RPAP2: variants seen among roughly 807,000 people sequenced by gnomAD.
The protein encoded by RPAP2 is RNA polymerase II associated protein 2, also known as putative RNA polymerase II subunit B1 CTD phosphatase RPAP2.
In RPAP2, 52 loss-of-function variants were observed where a neutral mutation model predicts 73.1. The ratio of observed to expected loss-of-function variants is 0.71; its 90% CI spans 0.57 to 0.90. The LOEUF (loss-of-function observed/expected upper bound fraction) is 0.90. Among genes scored for constraint, RPAP2 ranks in the 40% least tolerant of loss-of-function variants. The pLI is 0.00. For missense variants in RPAP2, 598 were observed against 701.8 expected, an observed-to-expected ratio of 0.85 and a Z score of 1.67; for synonymous variants, 225 against 242.1, an observed-to-expected ratio of 0.93 and a Z score of 0.65.
chr1:92,351,258 G>A (rs1469729962), intron 11 of RPAP2, among the ~76,000 whole-genome samples: 2 of 124,548 alleles, frequency 1.6e-5, no homozygotes, highest in Admixed American at 1.1e-4. Context: ...AGTAAGCCAA[G>A]ATTGCGCCAC....
chr1:92,302,766 A>AT (rs1332048150), intron 3 of RPAP2, among the ~76,000 whole-genome samples: 1 of 151,390 alleles, frequency 6.6e-6, no homozygotes. Context: ...CGCCCGGCTA[A>AT]TTTTTTTGTA....
chr1:92,305,324 T>G (rs1361957201), intron 5 of RPAP2, among the ~76,000 whole-genome samples: 2 of 149,154 alleles, frequency 1.3e-5, no homozygotes, highest in African/African-American at 5.0e-5. Context: ...TCCCAGCTAC[T>G]CGGGAGGCTG....
At position 92,399,740 on chromosome 1, in the gene RPAP2, T is replaced by C. The variant is rs568654750; in HGVS notation, c.*12729T>C. 1 of 152,318 alleles carries C rather than the reference T, an allele frequency of 6.6e-6. No individual in the cohort carries two copies. The highest frequency in any genetic ancestry group is 2.4e-5 in the African/African-American group (1 of 41,572). 9.4% of individuals were successfully genotyped at this position (152,318 alleles called of 1,614,324 possible). ...CTCACTCCCACATCCTTACCTCTTA[T>C]CCTTCTCACATCGTCCCATTAACAC... On this transcript the variant is annotated 3_prime_UTR_variant, in exon 13 of 13. Transcript: ENST00000610020.
At position 92,393,988 on chromosome 1, in the gene RPAP2, A is replaced by T. The variant is rs1234240388; in HGVS notation, c.*6977A>T. On this transcript the variant is annotated 3_prime_UTR_variant, in exon 13 of 13. Transcript: ENST00000610020. ...ATCCCACTATTGGGCATATACCCAA[A>T]AGATTATAAATCATTCTACAATAAA... is the stretch of plus-strand genomic sequence containing the variant. The T allele has an allele frequency of 6.6e-6, 1 of 152,238 alleles. No homozygotes were observed. The highest frequency in any genetic ancestry group is 1.5e-5 in the Non-Finnish European group (1 of 68,040). 9.4% of individuals were successfully genotyped at this position (152,238 alleles called of 1,614,324 possible).
chr1:92,338,397 C>G (rs1266463576), intron 10 of RPAP2, among the ~76,000 whole-genome samples: 4 of 152,182 alleles, frequency 2.6e-5, no homozygotes, highest in African/African-American at 9.7e-5. Flanking sequence ...GCTGTGTGTC[C>G]TGTTAGTAAT....
At chr1:92,376,994 C>T (rs866255520) in intron 11 of RPAP2, among the ~76,000 whole-genome samples, 1 of 152,158 alleles carries the variant, frequency 6.6e-6, no homozygotes, top group African/African-American at 2.4e-5. Context: ...ATGTTTAGAA[C>T]ATAGTACATG....
intron 12 of RPAP2, among the ~76,000 whole-genome samples, chr1:92,386,571 C>T (rs1239627499): frequency 6.6e-6 from 1 of 152,182 alleles, no homozygotes; most frequent in East Asian, 1.9e-4. Context: ...GAATACGAAG[C>T]TCAGTCTACT....
chr1:92,370,907 TAAC>T (rs1193058074), intron 11 of RPAP2, among the ~76,000 whole-genome samples: 1 of 152,158 alleles, frequency 6.6e-6, no homozygotes, highest in African/African-American at 2.4e-5. Context: ...GACCTATAGA[TAAC>T]AAGCATTGGT....
chr1:92,319,294 C>T (rs1652110648), intron 6 of RPAP2, among the ~76,000 whole-genome samples: 1 of 152,146 alleles, frequency 6.6e-6, no homozygotes, highest in African/African-American at 2.4e-5. Context: ...ATGAGCTTTA[C>T]TGTCTGGGTT....
intron 7 of RPAP2, among the ~76,000 whole-genome samples, chr1:92,321,155 A>G (rs1322504484): frequency 6.6e-6 from 1 of 152,218 alleles, no homozygotes; most frequent in African/African-American, 2.4e-5. Flanking sequence ...TTCCTAGTTA[A>G]TAGTCACTAC....
rs573289074 is a variant in RPAP2 at position 92,399,188 on chromosome 1, T to G, written c.*12177T>G. 3 of 152,336 alleles carry G rather than the reference T, an allele frequency of 2.0e-5. No homozygotes were observed. Among genetic ancestry groups the G allele is most frequent in the African/African-American group, 7.2e-5 (3 of 41,572 alleles). The allele number at this position is 152,336 out of a possible 1,614,324, so 9.4% of individuals were successfully genotyped here. On this transcript the variant is annotated 3_prime_UTR_variant, in exon 13 of 13. Transcript: ENST00000610020. ...TTTTCATTTTGCTTCCCAGCACCTCTGCAGTCATAACCAAAGTGAAGGACA... is the reference window on the plus strand; with the variant it reads ...TTTTCATTTTGCTTCCCAGCACCTCGGCAGTCATAACCAAAGTGAAGGACA...
At chr1:92,334,732 A>G (rs1323146420) in intron 9 of RPAP2, among the ~76,000 whole-genome samples, 1 of 152,100 alleles carries the variant, frequency 6.6e-6, no homozygotes, top group Non-Finnish European at 1.5e-5. Flanking sequence ...CACACCTGTA[A>G]TCCCAGCACT....
Position 92,387,025 on chromosome 1 carries a change from G to A in RPAP2, c.*14G>A, listed in dbSNP as rs776256310. ...TTGCTTCACAGATATATTCCATGAA[G>A]ACAAAATAGAAGATGAACTTCTATT... On this transcript the variant is annotated 3_prime_UTR_variant, in exon 13 of 13. Transcript: ENST00000610020. 1.9e-6 allele frequency: 3 copies of A among 1,586,738 alleles called. No individual in the cohort carries two copies. The South Asian group carries it at 3.4e-5, about 18-fold the overall frequency.
chr1:92,352,363 C>T (rs547224814), intron 11 of RPAP2, among the ~76,000 whole-genome samples: 58 of 152,316 alleles, frequency 3.8e-4, no homozygotes, highest in African/African-American at 1.3e-3. Flanking sequence ...AACCATCATA[C>T]AGATAGATAC....
intron 6 of RPAP2, among the ~76,000 whole-genome samples, chr1:92,317,831 C>T (rs1035035225): frequency 1.3e-5 from 2 of 152,098 alleles, no homozygotes; most frequent in African/African-American, 4.8e-5. Flanking sequence ...GGAGATGTTG[C>T]ATAAAGCTGT....
intron 6 of RPAP2, among the ~76,000 whole-genome samples, chr1:92,313,618 T>C (rs1165132030): frequency 6.6e-6 from 1 of 152,040 alleles, no homozygotes; most frequent in East Asian, 1.9e-4. Context: ...TAAATAAGCA[T>C]TGGCTTCAAC....
Position 92,380,878 on chromosome 1 carries a change from G to C in RPAP2, c.1838+5G>C, listed in dbSNP as rs1655597875. ...AACCAGCTGTTTACCAGAGTGGTAA[G>C]TTGGATTGTGTTTTATTTTGGTTTT... On this transcript the variant is annotated splice_donor_5th_base_variant and intron_variant, in intron 12 of 12. Coordinates refer to ENST00000610020, the MANE Select transcript of RPAP2 (RefSeq NM_024813.3). 5 of 1,549,240 alleles carry C rather than the reference G, an allele frequency of 3.2e-6. No individual in the cohort carries two copies. Among genetic ancestry groups the C allele is most frequent in the Non-Finnish European group, 4.3e-6 (5 of 1,156,834 alleles).
intron 10 of RPAP2, among the ~76,000 whole-genome samples, chr1:92,343,787 T>A (rs375341208): frequency 6.6e-6 from 1 of 152,042 alleles, no homozygotes; most frequent in Non-Finnish European, 1.5e-5. Context: ...GAAAAACATA[T>A]AGCAGAATAA....
At position 92,401,593 on chromosome 1, in the gene RPAP2, T is replaced by A. The variant is rs1479706258; in HGVS notation, c.*14582T>A. On this transcript the variant is annotated 3_prime_UTR_variant, in exon 13 of 13. Transcript: ENST00000610020. ...ATATAAGTGGTGAAAGCACATATCC[T>A]CCCCTTGTTCCTAATTTTAGAGGGA... The A allele has an allele frequency of 6.6e-6, 1 of 152,208 alleles. No homozygotes were observed. Among genetic ancestry groups the A allele is most frequent in the Non-Finnish European group, 1.5e-5 (1 of 68,046 alleles). The allele number at this position is 152,208 out of a possible 1,614,324, so 9.4% of individuals were successfully genotyped here.
Sources: allele counts gnomAD v4.1 joint callset (sites outside exome capture counted in the v4.1 genomes callset), GRCh38; gene constraint gnomAD v4.1.1; transcripts MANE v1.5; gene names NCBI Gene and HGNC (gene_info 2026-07-23, HGNC 2026-07-21).